Variants in PARP8 observed in about 807,000 individuals in gnomAD.
PARP8 encodes the protein protein mono-ADP-ribosyltransferase PARP8.
PARP8 carries 51 observed loss-of-function variants against 124.1 expected under a neutral mutation model. That is an observed-to-expected ratio of 0.41 (90% CI 0.33 to 0.52). The LOEUF (loss-of-function observed/expected upper bound fraction) is 0.52, where lower values mean the gene tolerates loss of function less well. Among genes scored for constraint, PARP8 ranks in the 20% least tolerant of loss-of-function variants. The pLI, the probability that PARP8 is intolerant of heterozygous loss-of-function variation, is 0.21. For missense variants in PARP8, 860 were observed against 1,018.9 expected (o/e 0.84, Z 2.12); for synonymous variants, 391 against 361.5 (o/e 1.08, Z -0.93).
At chr5:50,672,616 G>A (rs181426380) in intron 2 of PARP8, among the ~76,000 whole-genome samples, 61 of 152,306 alleles carry the variant, frequency 4.0e-4, no homozygotes, top group African/African-American at 1.4e-3. Flanking sequence ...ATACTAGGGC[G>A]TGATGAGGAC....
intron 2 of PARP8, among the ~76,000 whole-genome samples, chr5:50,740,652 A>T (rs1177005693): frequency 6.6e-6 from 1 of 151,806 alleles, no homozygotes; most frequent in Non-Finnish European, 1.5e-5. Flanking sequence ...TCTACACTAA[A>T]TTTTTTCAAA....
chr5:50,755,823 T>A (rs1023511410), intron 3 of PARP8, among the ~76,000 whole-genome samples: 15 of 152,216 alleles, frequency 9.9e-5, no homozygotes, highest in East Asian at 3.9e-4. Flanking sequence ...GCATGGAATG[T>A]TCTTCCATTT....
chr5:50,745,516 T>G (rs114298317), intron 2 of PARP8, among the ~76,000 whole-genome samples: 2 of 152,300 alleles, frequency 1.3e-5, no homozygotes, highest in African/African-American at 4.8e-5. Context: ...TGTGAGTGTT[T>G]AACCAACTTT....
At position 50,815,432 on chromosome 5, in the gene PARP8, C is replaced by T; in HGVS notation, c.1576C>T (p.Pro526Ser). The T allele has an allele frequency of 6.4e-7, 1 of 1,561,236 alleles. No homozygotes were observed. The highest frequency in any genetic ancestry group is 2.4e-5 in the East Asian group (1 of 41,332). ...TGATTGATTCCTTTTTCTTTTGTAG[C>T]CTACCGTATGTGAACGGGAGCTGTG... ...HVFQNGPMLR[P>S]TVCERELCVF... Residue 526 changes from proline to serine, a missense_variant and splice_region_variant, in exon 15 of 26, where the codon CCT becomes TCT. Pro to Ser is a moderately conservative substitution (Grantham distance 74, BLOSUM62 -1). This residue lies in a region of PARP8 where 343 missense variants were observed against 474.7 expected (regional missense o/e 0.72). Coordinates refer to ENST00000281631, the MANE Select transcript of PARP8 (RefSeq NM_024615.4).
At chr5:50,811,697 A>T (rs1744465617) in intron 14 of PARP8, among the ~76,000 whole-genome samples, 1 of 151,816 alleles carries the variant, frequency 6.6e-6, no homozygotes, top group Non-Finnish European at 1.5e-5. Context: ...CCATTAACTC[A>T]TCATCTACAT....
intron 2 of PARP8, among the ~76,000 whole-genome samples, chr5:50,683,375 C>T (rs1751501642): frequency 1.3e-5 from 2 of 152,116 alleles, no homozygotes; most frequent in South Asian, 4.2e-4. Flanking sequence ...TTTTTCTCAT[C>T]ATTCATTCCT....
In PARP8 at chr5:50,731,791, C is replaced by T. The variant is rs1286553777; in HGVS notation, c.147-18360C>T. 2.6e-5 allele frequency among the ~76,000 whole-genome samples: 4 copies of T among 152,114 alleles called. No homozygotes were observed. The South Asian group carries it at 8.3e-4, about 31-fold the overall frequency. On this transcript the variant is annotated intron_variant, in intron 2 of 25. Transcript: ENST00000281631. ...GGATACAGCTCCTTATCTAGAATTT[C>T]TGATTCTTAAAAGCTCTGAAAATTC...
chr5:50,754,146 T>TATATATATATATATATATATACATAC, intron 3 of PARP8, among the ~76,000 whole-genome samples: 1 of 21,424 alleles, frequency 4.7e-5, no homozygotes, highest in African/African-American at 1.3e-4. Flanking sequence ...TATATATATA[T>TATATATATATATATATATATACATAC]ATATACACAC....
In PARP8 at chr5:50,842,089, A is replaced by G. The variant is rs774434866; in HGVS notation, c.*21A>G. 1 of 1,521,766 alleles carries G rather than the reference A, an allele frequency of 6.6e-7. No homozygotes were observed. Among genetic ancestry groups the G allele is most frequent in the East Asian group, 2.3e-5 (1 of 43,258 alleles). The allele number at this position is 1,521,766 out of a possible 1,614,324, so 94.3% of individuals were successfully genotyped here. Reference sequence around the variant, plus strand: ...GTTAAAGGACCACCATTTAATTAACATGATTCGAAAGCCTTCCTCGGGTTC... The same window carrying G: ...GTTAAAGGACCACCATTTAATTAACGTGATTCGAAAGCCTTCCTCGGGTTC... On this transcript the variant is annotated 3_prime_UTR_variant, in exon 26 of 26. Coordinates refer to ENST00000281631, the MANE Select transcript of PARP8 (RefSeq NM_024615.4).
At chr5:50,732,857 A>G (rs530193517) in intron 2 of PARP8, among the ~76,000 whole-genome samples, 39 of 151,854 alleles carry the variant, frequency 2.6e-4, no homozygotes, top group Non-Finnish European at 5.3e-4. Context: ...TGACCTCATG[A>G]TCTGCCAGCC....
In PARP8 at chr5:50,673,631, A is replaced by G. The variant is rs1237459432; in HGVS notation, c.146+5506A>G. ...TGTAAGACTTAAGGGACATTGGTTG[A>G]ATTGGCATGGCTAGAATAGTTGGGA... On this transcript the variant is annotated intron_variant, in intron 2 of 25. Transcript: ENST00000281631. Among the ~76,000 whole-genome samples, 3 of 152,204 alleles carry G rather than the reference A, an allele frequency of 2.0e-5. No individual in the cohort carries two copies. In the East Asian group the frequency reaches 5.8e-4, roughly 29 times the overall value.
At chr5:50,838,403 CT>C (rs1432926657) in intron 25 of PARP8, among the ~76,000 whole-genome samples, 1 of 152,070 alleles carries the variant, frequency 6.6e-6, no homozygotes, top group East Asian at 1.9e-4. Context: ...CTTCATCACT[CT>C]TAGCCTCCTT....
rs1253764538 is a variant in PARP8 at position 50,754,150 on chromosome 5, TAC to T, written c.184+3992_184+3993del. ...ATATATATATATATATATATATATA[TAC>T]ACACACACACACACACACACACACA... On this transcript the variant is annotated intron_variant, in intron 3 of 25. Coordinates refer to ENST00000281631, the MANE Select transcript of PARP8 (RefSeq NM_024615.4). Among the ~76,000 whole-genome samples, 32 of 37,192 alleles carry T rather than the reference TAC, an allele frequency of 8.6e-4. 2 individuals are homozygous for T. The highest frequency in any genetic ancestry group is 2.6e-3 in the South Asian group (3 of 1,164). 24.4% of individuals were successfully genotyped at this position (37,192 alleles called of 152,430 possible). A position where few individuals can be genotyped will look rare whatever the true frequency, so the allele number is the denominator to read the frequency against.
At chr5:50,788,965 C>T (rs746328154) in intron 10 of PARP8, among the ~76,000 whole-genome samples, 2 of 152,092 alleles carry the variant, frequency 1.3e-5, no homozygotes, top group Non-Finnish European at 2.9e-5. Context: ...CATCCTGAGC[C>T]GACCAGTCCT....
chr5:50,803,574 A>G (rs1341122280), intron 14 of PARP8, among the ~76,000 whole-genome samples: 5 of 151,974 alleles, frequency 3.3e-5, no homozygotes, highest in South Asian at 4.2e-4. Context: ...CCTATCTTCA[A>G]GTTCACTGAT....
At chr5:50,727,196 C>T (rs1294767797) in intron 2 of PARP8, among the ~76,000 whole-genome samples, 1 of 152,102 alleles carries the variant, frequency 6.6e-6, no homozygotes, top group African/African-American at 2.4e-5. Flanking sequence ...ATTTTTATGA[C>T]TTCCTTTACC....
At chr5:50,794,097 T>G in intron 10 of PARP8, 110 bp from the exon 11 acceptor site, 1 of 1,205,224 alleles carries the variant, frequency 8.3e-7, no homozygotes. Flanking sequence ...CTCACTGATT[T>G]CTATGTGTTT....
intron 25 of PARP8, among the ~76,000 whole-genome samples, chr5:50,839,060 C>G (rs748513521): frequency 6.6e-6 from 1 of 152,112 alleles, no homozygotes; most frequent in South Asian, 2.1e-4. Context: ...CTCCTGGGCT[C>G]AAGTGATCCT....
At position 50,842,402 on chromosome 5, in the gene PARP8, G is replaced by A. The variant is rs750487608; in HGVS notation, c.*334G>A. The A allele has an allele frequency of 1.3e-4, 24 of 191,852 alleles. No individual in the cohort carries two copies. The highest frequency in any genetic ancestry group is 3.7e-4 in the South Asian group (4 of 10,686). 11.9% of individuals were successfully genotyped at this position (191,852 alleles called of 1,614,324 possible). ...AACTGGATATTTGGTATTATATACC[G>A]ACATTTTAGGTTACCAAAATAGAAT... On this transcript the variant is annotated 3_prime_UTR_variant, in exon 26 of 26. Transcript: ENST00000281631.
Sources: gnomAD v4.1 joint callset for allele counts (sites outside exome capture counted in the v4.1 genomes callset) on GRCh38, gnomAD v4.1.1 for gene constraint, gnomAD v4.1.1 regional missense constraint, MANE v1.5 for transcripts, NCBI Gene and HGNC (gene_info 2026-07-23, HGNC 2026-07-21) for gene names.